Variants in KCNMB1 observed in about 807,000 individuals in gnomAD.
KCNMB1 encodes the protein potassium calcium-activated channel subfamily M regulatory beta subunit 1.
Under a neutral mutation model 21.7 loss-of-function variants are expected in KCNMB1, and 22 were observed. That is an observed-to-expected ratio of 1.01 (90% CI 0.72 to 1.45). The LOEUF (loss-of-function observed/expected upper bound fraction) is 1.45, where lower values mean the gene tolerates loss of function less well. Ranked by LOEUF, KCNMB1 falls within the 40% of genes most tolerant of loss-of-function variation. KCNMB1 has a pLI of 0.00. For synonymous variants in KCNMB1, 114 were observed against 107.6 expected, an observed-to-expected ratio of 1.06 and a Z score of -0.37; for missense variants, 243 against 243.4, an observed-to-expected ratio of 1.00 and a Z score of 0.01.
intron 3 of KCNMB1, 108 bp from the exon 4 acceptor site, chr5:170,379,081 T>G: frequency 7.4e-7 from 1 of 1,345,284 alleles, no homozygotes. Context: ...GGCCCCTGGA[T>G]TGGAGTCGGG....
chr5:170,379,002 G>A (rs1324022666), intron 3 of KCNMB1, 29 bp from the exon 4 acceptor site: 4 of 1,603,680 alleles, frequency 2.5e-6, no homozygotes, highest in East Asian at 2.2e-5. Flanking sequence ...GCAGCTGTGG[G>A]CTTGGAAATC....
intron 3 of KCNMB1, among the ~76,000 whole-genome samples, chr5:170,381,081 T>C (rs1764219871): frequency 6.6e-6 from 1 of 152,250 alleles, no homozygotes; most frequent in Non-Finnish European, 1.5e-5. Flanking sequence ...GGATGAGCTC[T>C]GAAGTAGAGG....
In KCNMB1 at chr5:170,378,683, G is replaced by T. The variant is rs1417757601; in HGVS notation, c.*21C>A. Reference sequence around the variant, plus strand: ...CCAGTCCCCTGTGCCCTGACAAGTGGTATGGCATGGATGGATGGCTCTACT... The same window carrying T: ...CCAGTCCCCTGTGCCCTGACAAGTGTTATGGCATGGATGGATGGCTCTACT... On this transcript the variant is annotated 3_prime_UTR_variant, in exon 4 of 4. Transcript: ENST00000274629. 2 of 1,588,408 alleles carry T rather than the reference G, an allele frequency of 1.3e-6. No homozygotes were observed. Among genetic ancestry groups the T allele is most frequent in the East Asian group, 2.2e-5 (1 of 44,720 alleles).
intron 1 of KCNMB1, among the ~76,000 whole-genome samples, chr5:170,387,010 G>A (rs2113350427): frequency 6.6e-6 from 1 of 152,238 alleles, no homozygotes; most frequent in Non-Finnish European, 1.5e-5. Context: ...GCCGCCTGGA[G>A]CCACAGAGAT....
chr5:170,383,008 AAAAG>A (rs1764310667), intron 3 of KCNMB1: 1 of 152,464 alleles, frequency 6.6e-6, no homozygotes, highest in Non-Finnish European at 1.5e-5. Context: ...GAAAAAAAAG[AAAAG>A]AAAGAAGGAG....
rs779144526 is a variant in KCNMB1 at position 170,378,992 on chromosome 5, G to T, written c.307-19C>A. On this transcript the variant is annotated intron_variant, in intron 3 of 3. Coordinates refer to ENST00000274629, the MANE Select transcript of KCNMB1 (RefSeq NM_004137.4). ...AGGAGCACTGTGGGGAGAAACAAGA[G>T]CAGCTGTGGGCTTGGAAATCCCCAT... 1.2e-6 allele frequency: 2 copies of T among 1,608,380 alleles called. No individual in the cohort carries two copies. Among genetic ancestry groups the T allele is most frequent in the South Asian group, 1.1e-5 (1 of 90,606 alleles).
chr5:170,379,556 C>A (rs1764152066), intron 3 of KCNMB1, among the ~76,000 whole-genome samples: 1 of 152,106 alleles, frequency 6.6e-6, no homozygotes, highest in Non-Finnish European at 1.5e-5. Context: ...CAGGGCCTGT[C>A]AATAGGGAGA....
chr5:170,385,611 G>A (rs1764437787), intron 1 of KCNMB1, 140 bp from the exon 2 acceptor site: 1 of 851,926 alleles, frequency 1.2e-6, no homozygotes, highest in African/African-American at 1.7e-5. Flanking sequence ...ACTTCCAGAA[G>A]TCTTGCTTTT....
intron 3 of KCNMB1, 102 bp from the exon 4 acceptor site, chr5:170,379,075 C>G (rs542326594): frequency 2.1e-6 from 3 of 1,407,726 alleles, no homozygotes; most frequent in East Asian, 2.3e-5. Flanking sequence ...TAGTCGGGCC[C>G]CTGGATTGGA....
rs1355933885 is a variant in KCNMB1 at position 170,385,608 on chromosome 5, G to A, written c.-24-137C>T. 3 of 861,438 alleles carry A rather than the reference G, an allele frequency of 3.5e-6. No individual in the cohort carries two copies. In the African/African-American group the frequency reaches 5.1e-5, roughly 15 times the overall value. 53.4% of individuals were successfully genotyped at this position (861,438 alleles called of 1,614,324 possible). ...TATATTTGGAGCTTTGCAACTTCCA[G>A]AAGTCTTGCTTTTTGGACCCCATGT... On this transcript the variant is annotated intron_variant, in intron 1 of 3. Coordinates refer to ENST00000274629, the MANE Select transcript of KCNMB1 (RefSeq NM_004137.4).
intron 1 of KCNMB1, among the ~76,000 whole-genome samples, chr5:170,388,605 G>A (rs1764583188): frequency 6.6e-6 from 1 of 152,230 alleles, no homozygotes; most frequent in African/African-American, 2.4e-5. Context: ...TGTCCTGGGT[G>A]ACCTGATAGC....
intron 3 of KCNMB1, among the ~76,000 whole-genome samples, chr5:170,382,156 G>T (rs1764269463): frequency 6.6e-6 from 1 of 152,072 alleles, no homozygotes; most frequent in Admixed American, 6.6e-5. Context: ...CTAGTAACTG[G>T]ACCCACACAC....
At chr5:170,383,921 C>A in intron 2 of KCNMB1, 71 bp from the exon 3 acceptor site, 1 of 1,512,562 alleles carries the variant, frequency 6.6e-7, no homozygotes, top group Non-Finnish European at 9.0e-7. Flanking sequence ...CCATTTGAAC[C>A]CATTATCCCC....
At chr5:170,381,497 A>T (rs1227241297) in intron 3 of KCNMB1, among the ~76,000 whole-genome samples, 2 of 152,142 alleles carry the variant, frequency 1.3e-5, no homozygotes, top group Non-Finnish European at 2.9e-5. Context: ...AGCCCCAGCC[A>T]CTTGAACCCC....
chr5:170,385,664 G>A lies in KCNMB1; in HGVS notation c.-24-193C>T, dbSNP rs564495989. ...TTCCCTGTGCAATTGAGAGGCAATT[G>A]CAGATAAAAGACCTACGGCTCAGAG... On this transcript the variant is annotated intron_variant, in intron 1 of 3. Coordinates refer to ENST00000274629, the MANE Select transcript of KCNMB1 (RefSeq NM_004137.4). 9.9e-5 allele frequency among the ~76,000 whole-genome samples: 15 copies of A among 152,168 alleles called. No homozygotes were observed. The South Asian group carries it at 2.7e-3, about 27-fold the overall frequency.
chr5:170,381,092 C>T (rs1457025987), intron 3 of KCNMB1, among the ~76,000 whole-genome samples: 2 of 152,210 alleles, frequency 1.3e-5, no homozygotes, highest in Non-Finnish European at 2.9e-5. Flanking sequence ...GAAGTAGAGG[C>T]TTCTGTCCAT....
chr5:170,383,304 A>T (rs1764326235), intron 3 of KCNMB1: 2 of 517,130 alleles, frequency 3.9e-6, no homozygotes, highest in South Asian at 5.2e-5. Context: ...TGAAAGTACT[A>T]ACACTAATCA....
chr5:170,385,005 C>A (rs1764407111), intron 2 of KCNMB1, among the ~76,000 whole-genome samples: 3 of 152,218 alleles, frequency 2.0e-5, no homozygotes, highest in African/African-American at 7.2e-5. Flanking sequence ...CTCCTGGGAT[C>A]AAACTTGCAC....
intron 3 of KCNMB1, chr5:170,383,215 G>A: frequency 3.7e-6 from 1 of 271,460 alleles, no homozygotes; most frequent in Admixed American, 4.9e-5. Context: ...TGAGTCCCTG[G>A]TTTCCTGGGG....
Sources: allele counts gnomAD v4.1 joint callset (sites outside exome capture counted in the v4.1 genomes callset), GRCh38; gene constraint gnomAD v4.1.1; transcripts MANE v1.5; gene names NCBI Gene and HGNC (gene_info 2026-07-23, HGNC 2026-07-21).